ADA: variants seen among roughly 807,000 people sequenced by gnomAD.
The protein encoded by ADA is adenosine aminohydrolase.
A neutral mutation model predicts 49.0 loss-of-function variants in ADA; 45 were observed. The ratio of observed to expected loss-of-function variants is 0.92; its 90% CI spans 0.72 to 1.18. The LOEUF is 1.18. Among genes scored for constraint, ADA ranks in the 50% most tolerant of loss-of-function variants. The pLI is 0.00. For missense variants in ADA, 445 were observed against 472.5 expected (o/e 0.94, Z 0.54); for synonymous variants, 173 against 184.2 (o/e 0.94, Z 0.49).
chr20:44,639,388 T>C (rs1346465146), intron 1 of ADA, among the ~76,000 whole-genome samples: 1 of 151,968 alleles, frequency 6.6e-6, no homozygotes, highest in African/African-American at 2.4e-5. Flanking sequence ...GGTTTGGTTT[T>C]AGTTATGTTA....
intron 1 of ADA, among the ~76,000 whole-genome samples, chr20:44,645,731 GTA>G (rs2065584851): frequency 1.3e-5 from 2 of 152,190 alleles, no homozygotes; most frequent in Admixed American, 1.3e-4. Flanking sequence ...TGAGAGGTGG[GTA>G]TGGGTATAAT....
intron 2 of ADA, among the ~76,000 whole-genome samples, chr20:44,634,764 T>C (rs1168699765): frequency 6.6e-6 from 1 of 152,242 alleles, no homozygotes; most frequent in East Asian, 1.9e-4. Context: ...AGGGAGTTGG[T>C]GGAGATGCTC....
At chr20:44,624,418 C>G in intron 5 of ADA, 89 bp from the exon 6 acceptor site, 4 of 1,570,008 alleles carry the variant, frequency 2.5e-6, no homozygotes, top group Admixed American at 1.7e-5. Flanking sequence ...CCAAACCCCC[C>G]ATGGGAGGCC....
rs1296864511 is a variant in ADA at position 44,651,615 on chromosome 20, T to A, written c.-8A>T. ...GGCGGGCGTCTGGGCCATGGTGCCC[T>A]CGTGCGCCCCGGCGCTGCTCCCTCC... On this transcript the variant is annotated 5_prime_UTR_variant, in exon 1 of 12. Coordinates refer to ENST00000372874, the MANE Select transcript of ADA (RefSeq NM_000022.4). 3 of 1,532,346 alleles carry A rather than the reference T, an allele frequency of 2.0e-6. No individual in the cohort carries two copies. The highest frequency in any genetic ancestry group is 2.4e-5 in the South Asian group (2 of 84,018). 94.9% of individuals were successfully genotyped at this position (1,532,346 alleles called of 1,614,324 possible). A position where few individuals can be genotyped will look rare whatever the true frequency, so the allele number is the denominator to read the frequency against.
At chr20:44,640,075 C>T (rs1266097067) in intron 1 of ADA, among the ~76,000 whole-genome samples, 2 of 151,994 alleles carry the variant, frequency 1.3e-5, no homozygotes, top group African/African-American at 4.8e-5. Context: ...GTGGCCCCCA[C>T]AAAGCTGTCT....
intron 2 of ADA, among the ~76,000 whole-genome samples, chr20:44,630,208 G>A (rs899381834): frequency 3.9e-5 from 6 of 151,970 alleles, no homozygotes; most frequent in African/African-American, 1.5e-4. Flanking sequence ...AGTTGGGTGT[G>A]GTGGTGTGTG....
chr20:44,624,217 A>G lies in ADA; in HGVS notation c.591T>C (p.His197=), dbSNP rs142456343. ...TIPGSSLLPG[H]VQAYQEAVKS... is the part of the protein sequence containing the mutation. The stretch of plus-strand genomic sequence containing the variant: ...CAGGACCCACCTGGTAGGCCTGGAC[A>G]TGTCCAGGCAAGAGGCTGCTTCCTG... Residue 197 remains histidine, a synonymous_variant, in exon 6 of 12, where the codon CAT becomes CAC. Coordinates refer to ENST00000372874, the MANE Select transcript of ADA (RefSeq NM_000022.4). The G allele has an allele frequency of 1.2e-6, 2 of 1,612,872 alleles. No homozygotes were observed. The highest frequency in any genetic ancestry group is 1.7e-5 in the Admixed American group (1 of 59,872).
intron 1 of ADA, among the ~76,000 whole-genome samples, chr20:44,649,139 G>T (rs1340692704): frequency 6.6e-6 from 1 of 152,072 alleles, no homozygotes. Context: ...CTAGCTGTGT[G>T]ATCTTGGGCC....
intron 1 of ADA, among the ~76,000 whole-genome samples, chr20:44,651,323 G>A (rs2065643768): frequency 6.6e-6 from 1 of 152,222 alleles, no homozygotes; most frequent in South Asian, 2.1e-4. Context: ...TTGACAGACA[G>A]CGAAACTGAG....
Position 44,621,280 on chromosome 20 carries a change from G to C in ADA, c.846-133C>G. ...ATCTGAAAGATCTGATCCTTGTGCA[G>C]AGGGGGAAATAAATTCAGAACTTAG... On this transcript the variant is annotated intron_variant, in intron 9 of 11. Coordinates refer to ENST00000372874, the MANE Select transcript of ADA (RefSeq NM_000022.4). The C allele has an allele frequency of 3.3e-6, 4 of 1,194,198 alleles. No individual in the cohort carries two copies. In the South Asian group the frequency reaches 3.9e-5, roughly 12 times the overall value. The allele number at this position is 1,194,198 out of a possible 1,614,324, so 74.0% of individuals were successfully genotyped here. A position where few individuals can be genotyped will look rare whatever the true frequency, so the allele number is the denominator to read the frequency against.
intron 1 of ADA, among the ~76,000 whole-genome samples, chr20:44,644,048 C>T (rs575967632): frequency 2.6e-5 from 4 of 151,632 alleles, no homozygotes; most frequent in South Asian, 4.2e-4. Context: ...CATGTTTCCA[C>T]GTTCCCAACT....
At chr20:44,631,329 G>A (rs2065431331) in intron 2 of ADA, among the ~76,000 whole-genome samples, 2 of 152,084 alleles carry the variant, frequency 1.3e-5, no homozygotes, top group African/African-American at 2.4e-5. Context: ...GGGGAACGGT[G>A]CCCTGGTGCG....
intron 6 of ADA, 63 bp downstream of exon 6, chr20:44,624,139 A>C: frequency 3.9e-6 from 6 of 1,554,648 alleles, no homozygotes; most frequent in Non-Finnish European, 5.2e-6. Flanking sequence ...GATTTCTCCC[A>C]ACTATGGGTG....
intron 11 of ADA, 62 bp downstream of exon 11, chr20:44,620,237 C>T (rs1481729016): frequency 4.2e-6 from 6 of 1,428,692 alleles, no homozygotes; most frequent in Non-Finnish European, 5.9e-6. Context: ...CTAGAAGTCC[C>T]ACAGAAAGCC....
At position 44,627,860 on chromosome 20, in the gene ADA, G is replaced by A. The variant is rs1285578801; in HGVS notation, c.218+1187C>T. On this transcript the variant is annotated intron_variant, in intron 3 of 11. Transcript: ENST00000372874. Reference sequence around the variant, plus strand: ...TTATCTGCTGTGTGACCCCTGGTTAGTCACCCTCTGACACCTAGGTCAAGG... The same window carrying A: ...TTATCTGCTGTGTGACCCCTGGTTAATCACCCTCTGACACCTAGGTCAAGG... Among the ~76,000 whole-genome samples, 5 of 152,212 alleles carry A rather than the reference G, an allele frequency of 3.3e-5. 1 individual carries two copies. Among genetic ancestry groups the A allele is most frequent in the Admixed American group, 3.3e-4 (5 of 15,280 alleles).
chr20:44,624,185 C>T lies in ADA; in HGVS notation c.606+17G>A, dbSNP rs1331034830. On this transcript the variant is annotated intron_variant, in intron 6 of 11. Transcript: ENST00000372874. ...TCACCCAGGGCCAGCCTCTCCATTC[C>T]TTCTCACAGGACCCACCTGGTAGGC... 1.2e-6 allele frequency: 2 copies of T among 1,603,208 alleles called. No homozygotes were observed. The highest frequency in any genetic ancestry group is 1.6e-4 in the Middle Eastern group (1 of 6,072).
intron 1 of ADA, among the ~76,000 whole-genome samples, chr20:44,637,268 AC>A (rs1429101131): frequency 2.0e-5 from 3 of 152,180 alleles, no homozygotes; most frequent in African/African-American, 7.2e-5. Context: ...CAGACAAGAC[AC>A]TTGACCTCTC....
At chr20:44,620,807 C>T (rs1334234462) in intron 10 of ADA, 3 of 656,898 alleles carry the variant, frequency 4.6e-6, no homozygotes, top group Admixed American at 4.7e-5. Flanking sequence ...TTTAAAGGCA[C>T]TCAACCCAAG....
rs752992685 is a variant in ADA at position 44,620,292 on chromosome 20, A to G, written c.1078+7T>C. 4 of 1,613,140 alleles carry G rather than the reference A, an allele frequency of 2.5e-6. No homozygotes were observed. The Admixed American group carries it at 5.0e-5, about 20-fold the overall frequency. On this transcript the variant is annotated splice_region_variant and intron_variant, in intron 11 of 11. Transcript: ENST00000372874. ...GCAACTGCCCAGAAGCCCAGACAGGAACCTACCTGCAGAGGCTGAAGGTGG... is the reference window on the plus strand; with the variant it reads ...GCAACTGCCCAGAAGCCCAGACAGGGACCTACCTGCAGAGGCTGAAGGTGG...
Sources: gnomAD v4.1 joint callset for allele counts (sites outside exome capture counted in the v4.1 genomes callset) on GRCh38, gnomAD v4.1.1 for gene constraint, MANE v1.5 for transcripts, NCBI Gene and HGNC (gene_info 2026-07-23, HGNC 2026-07-21) for gene names.